The following SLCO3A1 variants were observed in gnomAD, a reference collection of about 807,000 sequenced individuals.
SLCO3A1 encodes solute carrier organic anion transporter family member 3A1, also known as PGE1 transporter.
In SLCO3A1, 27 loss-of-function variants were observed where a neutral mutation model predicts 63.1. That is an observed-to-expected ratio of 0.43 (90% CI 0.32 to 0.59). The LOEUF (loss-of-function observed/expected upper bound fraction) is 0.59. Ranked by LOEUF, SLCO3A1 falls within the 20% of genes least tolerant of loss-of-function variation. The probability of loss-of-function intolerance (pLI) is 0.09; values close to 1 mark genes in which losing one functional copy is unlikely to be tolerated. For missense variants in SLCO3A1, 773 were observed against 945.8 expected, an observed-to-expected ratio of 0.82 and a Z score of 2.40; for synonymous variants, 473 against 409.9, an observed-to-expected ratio of 1.15 and a Z score of -1.86.
chr15:92,164,265 C>G lies in SLCO3A1; in HGVS notation c.*1130C>G. ...CTATTGTAATTTTCATCATTTTATC[C>G]TCATTCGAATATTCTACAAAAACAA... is the stretch of plus-strand genomic sequence containing the variant. On this transcript the variant is annotated 3_prime_UTR_variant, in exon 10 of 10. Coordinates refer to ENST00000318445, the MANE Select transcript of SLCO3A1 (RefSeq NM_013272.4). The G allele has an allele frequency of 2.0e-6, 2 of 983,638 alleles. No homozygotes were observed. The highest frequency in any genetic ancestry group is 4.7e-5 in the South Asian group (1 of 21,236). The allele number at this position is 983,638 out of a possible 1,614,324, so 60.9% of individuals were successfully genotyped here. A position where few individuals can be genotyped will look rare whatever the true frequency, so the allele number is the denominator to read the frequency against.
chr15:92,016,204 TATAGATAGATAGATAGATAG>T (rs1039964856), intron 2 of SLCO3A1, among the ~76,000 whole-genome samples: 25 of 120,122 alleles, frequency 2.1e-4, no homozygotes, highest in African/African-American at 5.2e-4. Flanking sequence ...TATATATTTA[TATAGATAGATAGATAGATAG>T]ATAGATAGAT....
In SLCO3A1 at chr15:92,165,235, T is replaced by C; in HGVS notation, c.*2100T>C. 1 of 985,282 alleles carries C rather than the reference T, an allele frequency of 1.0e-6. No homozygotes were observed. The highest frequency in any genetic ancestry group is 1.2e-6 in the Non-Finnish European group (1 of 829,938). The allele number at this position is 985,282 out of a possible 1,614,324, so 61.0% of individuals were successfully genotyped here. A position where few individuals can be genotyped will look rare whatever the true frequency, so the allele number is the denominator to read the frequency against. On this transcript the variant is annotated 3_prime_UTR_variant, in exon 10 of 10. Transcript: ENST00000318445. The stretch of plus-strand genomic sequence containing the variant: ...CTTCTGAGACAGGCCTTTCAACTGC[T>C]TAGTGTTAGTATGTCCTTGCTTATG...
chr15:92,066,516 T>A (rs558554242), intron 2 of SLCO3A1, among the ~76,000 whole-genome samples: 6 of 152,278 alleles, frequency 3.9e-5, no homozygotes, highest in African/African-American at 1.4e-4. Context: ...GAACAAGACA[T>A]ATCTGGTTTA....
At chr15:92,074,469 G>C (rs1484488949) in intron 2 of SLCO3A1, among the ~76,000 whole-genome samples, 1 of 152,164 alleles carries the variant, frequency 6.6e-6, no homozygotes, top group Non-Finnish European at 1.5e-5. Context: ...CGTTTCTCCA[G>C]TTCTGGTCTC....
chr15:92,124,967 C>A (rs2047903904), intron 5 of SLCO3A1, among the ~76,000 whole-genome samples: 1 of 152,172 alleles, frequency 6.6e-6, no homozygotes, highest in Non-Finnish European at 1.5e-5. Flanking sequence ...CACCCAGGAG[C>A]TGGCTCATGA....
intron 7 of SLCO3A1, among the ~76,000 whole-genome samples, chr15:92,130,585 G>T (rs1410371933): frequency 6.6e-6 from 1 of 152,122 alleles, no homozygotes; most frequent in Non-Finnish European, 1.5e-5. Context: ...CCTTGTGACA[G>T]TCTAGCCTTA....
chr15:91,990,663 A>AG (rs1162578644), intron 2 of SLCO3A1, among the ~76,000 whole-genome samples: 1 of 150,742 alleles, frequency 6.6e-6, no homozygotes, highest in Non-Finnish European at 1.5e-5. Context: ...AAAAAAAAAA[A>AG]TCCCTATGTT....
chr15:92,099,239 C>A (rs996546402), intron 3 of SLCO3A1, among the ~76,000 whole-genome samples: 1 of 152,240 alleles, frequency 6.6e-6, no homozygotes, highest in Non-Finnish European at 1.5e-5. Flanking sequence ...CTCTGCCATC[C>A]TGAGGGCTGG....
At chr15:92,051,678 A>G (rs1192796678) in intron 2 of SLCO3A1, among the ~76,000 whole-genome samples, 1 of 152,142 alleles carries the variant, frequency 6.6e-6, no homozygotes, top group Non-Finnish European at 1.5e-5. Flanking sequence ...ATGAACAGCT[A>G]CGTGACCGTC....
At chr15:92,026,931 A>G (rs2046581081) in intron 2 of SLCO3A1, among the ~76,000 whole-genome samples, 1 of 152,196 alleles carries the variant, frequency 6.6e-6, no homozygotes, top group South Asian at 2.1e-4. Flanking sequence ...TCTACTAAAA[A>G]TACAATAAAC....
At chr15:92,022,303 C>T (rs975011796) in intron 2 of SLCO3A1, among the ~76,000 whole-genome samples, 4 of 152,168 alleles carry the variant, frequency 2.6e-5, no homozygotes, top group African/African-American at 9.7e-5. Context: ...TATTTAGGAA[C>T]AAAAACAGAC....
rs562058174 is a variant in SLCO3A1 at position 91,991,594 on chromosome 15, G to A, written c.646+75136G>A. ...AGTAGCCATGTTTCAAAAGTTAAAA[G>A]AGAACAGATGAAATTAATTTTAATA... On this transcript the variant is annotated intron_variant, in intron 2 of 9. Transcript: ENST00000318445. 7.9e-5 allele frequency among the ~76,000 whole-genome samples: 12 copies of A among 152,284 alleles called. No individual in the cohort carries two copies. In the South Asian group the frequency reaches 2.1e-3, roughly 26 times the overall value.
chr15:92,132,326 C>T (rs1596129689), intron 7 of SLCO3A1, among the ~76,000 whole-genome samples: 2 of 145,052 alleles, frequency 1.4e-5, no homozygotes, highest in East Asian at 3.9e-4. Context: ...TCTTCCTGCT[C>T]TGGATTGGAT....
At chr15:92,072,848 A>G (rs1253355281) in intron 2 of SLCO3A1, among the ~76,000 whole-genome samples, 1 of 152,158 alleles carries the variant, frequency 6.6e-6, no homozygotes, top group Non-Finnish European at 1.5e-5. Context: ...CCTTAACTTA[A>G]TTACATCTGC....
At chr15:91,927,071 A>G (rs186412924) in intron 2 of SLCO3A1, among the ~76,000 whole-genome samples, 69 of 152,234 alleles carry the variant, frequency 4.5e-4, no homozygotes, top group Non-Finnish European at 8.8e-4. Context: ...GAGCCACTGT[A>G]CTTACAACAG....
At chr15:91,931,970 G>A (rs1456624450) in intron 2 of SLCO3A1, among the ~76,000 whole-genome samples, 1 of 152,176 alleles carries the variant, frequency 6.6e-6, no homozygotes, top group Non-Finnish European at 1.5e-5. Context: ...AATCAAGGTG[G>A]AAGATTAGGT....
chr15:92,129,094 C>T (rs895291987), intron 7 of SLCO3A1, among the ~76,000 whole-genome samples: 3 of 152,172 alleles, frequency 2.0e-5, no homozygotes, highest in African/African-American at 7.2e-5. Flanking sequence ...ACGGGTCATC[C>T]ATTGGTGCTG....
At chr15:91,972,605 A>G (rs573676065) in intron 2 of SLCO3A1, among the ~76,000 whole-genome samples, 1 of 152,286 alleles carries the variant, frequency 6.6e-6, no homozygotes, top group African/African-American at 2.4e-5. Context: ...CAGGACCTCA[A>G]ACAGACTGAG....
Position 91,941,691 on chromosome 15 carries a change from A to T in SLCO3A1, c.646+25233A>T, listed in dbSNP as rs1597141457. On this transcript the variant is annotated intron_variant, in intron 2 of 9. Transcript: ENST00000318445. This position sits in a 1 kb window ranked among gnomAD's most constrained non-coding sequence, Gnocchi z 4.4. ...GTTTCTCTTTGTCTTTAAAAAAATT[A>T]TTTTTCCTCCTTTTTAATTTTTATG... 1 of 378,132 alleles carries T rather than the reference A, an allele frequency of 2.6e-6. No homozygotes were observed. Among genetic ancestry groups the T allele is most frequent in the East Asian group, 7.6e-5 (1 of 13,124 alleles). The allele number at this position is 378,132 out of a possible 1,614,324, so 23.4% of individuals were successfully genotyped here.
Sources: allele counts gnomAD v4.1 joint callset (sites outside exome capture counted in the v4.1 genomes callset), GRCh38; gene constraint gnomAD v4.1.1; non-coding constraint Gnocchi (gnomAD v3.1); transcripts MANE v1.5; gene names NCBI Gene and HGNC (gene_info 2026-07-23, HGNC 2026-07-21).